Variants in FBXL5 observed in about 807,000 individuals in gnomAD.
FBXL5 encodes F-box and leucine rich repeat protein 5.
FBXL5 carries 26 observed loss-of-function variants against 78.3 expected under a neutral mutation model. The observed-to-expected ratio is 0.33, with a 90% CI of 0.24 to 0.46. The LOEUF is 0.46. Among genes scored for constraint, FBXL5 ranks in the 20% least tolerant of loss-of-function variants. The probability of loss-of-function intolerance (pLI) is 1.00; values close to 1 mark genes in which losing one functional copy is unlikely to be tolerated. For missense variants in FBXL5, 710 were observed against 829.2 expected, an observed-to-expected ratio of 0.86 and a Z score of 1.77; for synonymous variants, 295 against 282.5, an observed-to-expected ratio of 1.04 and a Z score of -0.45.
At chr4:15,654,969 G>A (rs1308831427) in intron 1 of FBXL5, among the ~76,000 whole-genome samples, 1 of 151,682 alleles carries the variant, frequency 6.6e-6, no homozygotes, top group Non-Finnish European at 1.5e-5. Context: ...CTCGGCAGGG[G>A]ACGCCGCCCG....
At chr4:15,645,232 T>C (rs983175711) in intron 1 of FBXL5, among the ~76,000 whole-genome samples, 1 of 152,038 alleles carries the variant, frequency 6.6e-6, no homozygotes, top group Non-Finnish European at 1.5e-5. Flanking sequence ...TGACAGAGCA[T>C]CAAAACAGAT....
At chr4:15,639,032 C>T (rs552049679) in intron 3 of FBXL5, among the ~76,000 whole-genome samples, 5 of 152,250 alleles carry the variant, frequency 3.3e-5, no homozygotes, top group Non-Finnish European at 5.9e-5. Context: ...GGCGTGGTGG[C>T]GCATGCCTAT....
chr4:15,661,004 GAGA>G (rs1282964914), upstream of FBXL5, among the ~76,000 whole-genome samples: 4 of 151,924 alleles, frequency 2.6e-5, no homozygotes, highest in African/African-American at 4.8e-5. Flanking sequence ...TTAAACCTGA[GAGA>G]AGGAGGTTGC....
intron 9 of FBXL5, among the ~76,000 whole-genome samples, chr4:15,619,878 T>C (rs1351538721): frequency 6.6e-6 from 1 of 151,990 alleles, no homozygotes; most frequent in Non-Finnish European, 1.5e-5. Flanking sequence ...GATGATAAGA[T>C]CTTCTATACA....
chr4:15,649,345 C>T (rs10027900), intron 1 of FBXL5, among the ~76,000 whole-genome samples: 6,784 of 151,912 alleles, frequency 0.045, 494 homozygotes, highest in African/African-American at 0.15. Flanking sequence ...TTTGGGAGGC[C>T]GAGGCAGGCG....
chr4:15,609,208 C>A (rs1184049178), intron 10 of FBXL5, among the ~76,000 whole-genome samples: 1 of 151,346 alleles, frequency 6.6e-6, no homozygotes, highest in African/African-American at 2.4e-5. Flanking sequence ...GGACACAGAA[C>A]CCAAATGGTT....
rs1375112026 is a variant in FBXL5, at chr4:15,605,137, AAT to A, written c.*584_*585del. The A allele has an allele frequency of 6.5e-6, 1 of 152,712 alleles. No individual in the cohort carries two copies. Among genetic ancestry groups the A allele is most frequent in the African/African-American group, 2.4e-5 (1 of 41,464 alleles). 9.5% of individuals were successfully genotyped at this position (152,712 alleles called of 1,614,324 possible). A position where few individuals can be genotyped will look rare whatever the true frequency, so the allele number is the denominator to read the frequency against. On this transcript the variant is annotated 3_prime_UTR_variant, in exon 11 of 11. Transcript: ENST00000341285. ...GAACAAAGTATCCCTAAAGGAAACAAATATCGATTGGTGCTTTCCTAGCTCAC... is the reference window on the plus strand; with the variant it reads ...GAACAAAGTATCCCTAAAGGAAACAAATCGATTGGTGCTTTCCTAGCTCAC...
intron 3 of FBXL5, among the ~76,000 whole-genome samples, chr4:15,639,851 A>G (rs1714660647): frequency 6.6e-6 from 1 of 152,214 alleles, no homozygotes; most frequent in African/African-American, 2.4e-5. Context: ...TATAAGGTGA[A>G]GCTATAGTTG....
chr4:15,624,889 A>G (rs571706506), intron 9 of FBXL5, among the ~76,000 whole-genome samples: 1 of 152,354 alleles, frequency 6.6e-6, no homozygotes, highest in African/African-American at 2.4e-5. Flanking sequence ...TATAACATAC[A>G]GAAATAATAC....
chr4:15,659,011 C>T (rs1395206352), upstream of FBXL5, among the ~76,000 whole-genome samples: 2 of 152,142 alleles, frequency 1.3e-5, no homozygotes, highest in Non-Finnish European at 2.9e-5. Context: ...TCATACTATC[C>T]ACCCCATCCT....
chr4:15,613,227 G>T (rs1722389031), intron 9 of FBXL5, among the ~76,000 whole-genome samples: 1 of 152,112 alleles, frequency 6.6e-6, no homozygotes, highest in Non-Finnish European at 1.5e-5. Context: ...TAAGTATGGG[G>T]TTCTTTTTGG....
At chr4:15,620,013 G>A (rs961317715) in intron 9 of FBXL5, among the ~76,000 whole-genome samples, 3 of 152,072 alleles carry the variant, frequency 2.0e-5, no homozygotes, top group South Asian at 2.1e-4. Flanking sequence ...AGGCTGCAGC[G>A]AGCTATGATC....
intron 1 of FBXL5, among the ~76,000 whole-genome samples, chr4:15,666,715 C>G (rs1717562055): frequency 1.3e-5 from 2 of 151,896 alleles, no homozygotes; most frequent in Non-Finnish European, 2.9e-5. Context: ...GCCTGTGATT[C>G]CATCTACTCG....
chr4:15,609,238 T>C (rs969613648), intron 10 of FBXL5, among the ~76,000 whole-genome samples: 16 of 151,932 alleles, frequency 1.1e-4, no homozygotes, highest in Non-Finnish European at 1.8e-4. Context: ...AAAGCCTAAA[T>C]TACATTAAGG....
intron 6 of FBXL5, among the ~76,000 whole-genome samples, chr4:15,628,618 CTT>C (rs1179360216): frequency 6.6e-6 from 1 of 152,072 alleles, no homozygotes; most frequent in Non-Finnish European, 1.5e-5. Context: ...ATTTGAATGT[CTT>C]TAAACATAAA....
intron 9 of FBXL5, among the ~76,000 whole-genome samples, chr4:15,624,734 A>G (rs1016206408): frequency 6.6e-6 from 1 of 151,934 alleles, no homozygotes; most frequent in East Asian, 1.9e-4. Context: ...TAAGCTGATC[A>G]TGATCAAAGA....
chr4:15,665,489 T>C (rs980997622), intron 1 of FBXL5, among the ~76,000 whole-genome samples: 5 of 152,178 alleles, frequency 3.3e-5, no homozygotes, highest in Admixed American at 6.5e-5. Context: ...AATTTGGGAC[T>C]ACCTTACAAA....
intron 1 of FBXL5, among the ~76,000 whole-genome samples, chr4:15,653,542 A>G (rs372818072): frequency 9.2e-5 from 14 of 152,282 alleles, no homozygotes; most frequent in Middle Eastern, 3.4e-3. Context: ...AAAATTTTCC[A>G]TATAATTTCA....
At chr4:15,679,364 C>G (rs1216872873) in intron 1 of FBXL5, among the ~76,000 whole-genome samples, 1 of 152,034 alleles carries the variant, frequency 6.6e-6, no homozygotes, top group African/African-American at 2.4e-5. Flanking sequence ...AATATCTACT[C>G]TTTAACAATT....
Sources: gnomAD v4.1 joint callset for allele counts (sites outside exome capture counted in the v4.1 genomes callset) on GRCh38, gnomAD v4.1.1 for gene constraint, MANE v1.5 for transcripts, NCBI Gene and HGNC (gene_info 2026-07-23, HGNC 2026-07-21) for gene names.